Variants in NTN1 observed in about 807,000 individuals in gnomAD.
NTN1 encodes the protein netrin 1.
NTN1 carries 11 observed loss-of-function variants against 54.2 expected under a neutral mutation model. That is an observed-to-expected ratio of 0.20 (90% confidence interval 0.13 to 0.34). The LOEUF (loss-of-function observed/expected upper bound fraction) is 0.34. NTN1 is among the 10% of genes least tolerant of loss of function. The pLI, the probability that NTN1 is intolerant of heterozygous loss-of-function variation, is 1.00. For missense variants in NTN1, 740 were observed against 893.1 expected (o/e 0.83, Z 2.18); for synonymous variants, 371 against 382.0 (o/e 0.97, Z 0.33).
At chr17:9,194,729 C>T (rs77811542) in intron 5 of NTN1, among the ~76,000 whole-genome samples, 2,381 of 152,232 alleles carry the variant, frequency 0.016, 65 homozygotes, top group African/African-American at 0.052. Flanking sequence ...GACATCAGCC[C>T]AGGTTGCTAG....
chr17:9,243,697 C>T lies in NTN1; in HGVS notation c.*3729C>T, dbSNP rs1008537605. The T allele has an allele frequency of 7.2e-5, 11 of 152,284 alleles. No individual in the cohort carries two copies. The highest frequency in any genetic ancestry group is 2.7e-4 in the African/African-American group (11 of 41,434). 9.4% of individuals were successfully genotyped at this position (152,284 alleles called of 1,614,324 possible). A position where few individuals can be genotyped will look rare whatever the true frequency, so the allele number is the denominator to read the frequency against. ...ATTCCCTCCTCCCAAATGCACTTCC[C>T]CTCCTCCCTCTGCCCCCTCCTGTGT... On this transcript the variant is annotated 3_prime_UTR_variant, in exon 7 of 7. Transcript: ENST00000173229.
At chr17:9,081,945 G>C (rs1467333446) in intron 2 of NTN1, among the ~76,000 whole-genome samples, 1 of 152,142 alleles carries the variant, frequency 6.6e-6, no homozygotes, top group African/African-American at 2.4e-5. Flanking sequence ...GGGTCTGCTG[G>C]GTGGGTTCTG....
intron 2 of NTN1, among the ~76,000 whole-genome samples, chr17:9,026,125 C>G (rs1381038510): frequency 6.6e-6 from 1 of 152,032 alleles, no homozygotes; most frequent in Non-Finnish European, 1.5e-5. Context: ...TGAAATGGTA[C>G]CCTTCCCTAG....
chr17:9,126,065 A>G (rs77307437), intron 2 of NTN1, among the ~76,000 whole-genome samples: 81 of 152,384 alleles, frequency 5.3e-4, no homozygotes, highest in African/African-American at 1.9e-3. Context: ...CAGAGTCAGG[A>G]TGGCTGAATG....
chr17:9,199,229 G>A (rs571272078), intron 5 of NTN1, among the ~76,000 whole-genome samples: 5 of 152,294 alleles, frequency 3.3e-5, no homozygotes, highest in African/African-American at 1.2e-4. Context: ...TGCAACCTCC[G>A]CTTCCTGGGT....
chr17:9,159,682 TAGC>T (rs1421744969), intron 2 of NTN1, among the ~76,000 whole-genome samples: 1 of 152,036 alleles, frequency 6.6e-6, no homozygotes, highest in African/African-American at 2.4e-5. Flanking sequence ...GCGCCTGTAA[TAGC>T]AGCTACTCGG....
At chr17:9,190,300 C>G (rs952341245) in intron 5 of NTN1, among the ~76,000 whole-genome samples, 1 of 152,058 alleles carries the variant, frequency 6.6e-6, no homozygotes, top group Non-Finnish European at 1.5e-5. Flanking sequence ...AGACAAGACC[C>G]AAAATTGTAA....
the NTN1 span, among the ~76,000 whole-genome samples, chr17:9,008,596 T>TA: frequency 6.6e-6 from 1 of 152,232 alleles, no homozygotes; most frequent in African/African-American, 2.4e-5. Flanking sequence ...GTGCTGGGAT[T>TA]ACAGGCATGA....
At chr17:9,202,020 T>C (rs71371898) in intron 5 of NTN1, among the ~76,000 whole-genome samples, 8,279 of 88,022 alleles carry the variant, frequency 0.094, 322 homozygotes, top group Middle Eastern at 0.13. Context: ...ACCCCGTCTC[T>C]ACTAAAAATA....
intron 2 of NTN1, among the ~76,000 whole-genome samples, chr17:9,108,154 G>A (rs1274713490): frequency 6.6e-6 from 1 of 152,152 alleles, no homozygotes; most frequent in African/African-American, 2.4e-5. Flanking sequence ...CATGCGAATT[G>A]GGATAACTCT....
At chr17:9,164,366 A>G (rs890582378) in intron 3 of NTN1, among the ~76,000 whole-genome samples, 13 of 152,092 alleles carry the variant, frequency 8.5e-5, no homozygotes, top group Middle Eastern at 6.8e-3. Context: ...CGGAGGTTGC[A>G]GTGAGCCAAG....
intron 2 of NTN1, among the ~76,000 whole-genome samples, chr17:9,152,201 G>T (rs1054610425): frequency 2.0e-5 from 3 of 152,278 alleles, no homozygotes; most frequent in South Asian, 4.1e-4. Flanking sequence ...CAAGGTCCAC[G>T]GCTTCATTCT....
chr17:9,157,005 C>T (rs1320396775), intron 2 of NTN1, among the ~76,000 whole-genome samples: 1 of 142,116 alleles, frequency 7.0e-6, no homozygotes, highest in African/African-American at 2.5e-5. Flanking sequence ...ATCCGTCCAT[C>T]CCTCTCTCCA....
At chr17:9,231,297 G>GGGT (rs1555579615) in intron 6 of NTN1, among the ~76,000 whole-genome samples, 2 of 149,398 alleles carry the variant, frequency 1.3e-5, no homozygotes, top group South Asian at 2.1e-4. Context: ...GGGGTACCCG[G>GGGT]GGGGGGACCC....
At chr17:9,095,968 G>T (rs560057211) in intron 2 of NTN1, among the ~76,000 whole-genome samples, 37 of 151,790 alleles carry the variant, frequency 2.4e-4, no homozygotes, top group Admixed American at 2.4e-3. Context: ...CCTGATTTTT[G>T]TATTTTTTAG....
chr17:9,138,111 G>A (rs2092286848), intron 2 of NTN1, among the ~76,000 whole-genome samples: 1 of 152,206 alleles, frequency 6.6e-6, no homozygotes, highest in Non-Finnish European at 1.5e-5. Flanking sequence ...AATCCCCGGC[G>A]TGTCTTTTTT....
At chr17:9,003,647 C>A in the NTN1 span, among the ~76,000 whole-genome samples, 1 of 150,614 alleles carries the variant, frequency 6.6e-6, no homozygotes, top group South Asian at 2.1e-4. The surrounding 1 kb of genome is among the most constrained non-coding windows in gnomAD (Gnocchi z 7.4). Context: ...GGCGCTGCAC[C>A]CCTCGCTTTC....
chr17:9,030,041 A>G (rs78514368), intron 2 of NTN1, among the ~76,000 whole-genome samples: 9,455 of 152,206 alleles, frequency 0.062, 476 homozygotes, highest in African/African-American at 0.14. Flanking sequence ...CCCCACATCA[A>G]AAGGCCTTGG....
At chr17:9,029,547 T>C (rs1172993652) in intron 2 of NTN1, among the ~76,000 whole-genome samples, 1 of 152,242 alleles carries the variant, frequency 6.6e-6, no homozygotes, top group Non-Finnish European at 1.5e-5. Context: ...GCCAGTCCTG[T>C]AGATACAGAC....
Sources: allele counts gnomAD v4.1 joint callset (sites outside exome capture counted in the v4.1 genomes callset), GRCh38; gene constraint gnomAD v4.1.1; non-coding constraint Gnocchi (gnomAD v3.1); transcripts MANE v1.5; gene names NCBI Gene and HGNC (gene_info 2026-07-23, HGNC 2026-07-21).